Variants in TENM3 observed in about 807,000 individuals in gnomAD.
TENM3 encodes teneurin transmembrane protein 3, also known as teneurin-3.
In TENM3, 63 loss-of-function variants were observed where a neutral mutation model predicts 255.1. The ratio of observed to expected loss-of-function variants is 0.25; its 90% CI spans 0.20 to 0.30. The LOEUF is 0.30. Among genes scored for constraint, TENM3 ranks in the 10% least tolerant of loss-of-function variants. TENM3 has a pLI of 1.00. For missense variants in TENM3, 2,929 were observed against 3,461.1 expected (o/e 0.85, Z 3.86); for synonymous variants, 1,306 against 1,322.3 (o/e 0.99, Z 0.27).
At chr4:182,276,811 C>A (rs1434540527) in intron 1 of TENM3, among the ~76,000 whole-genome samples, 3 of 152,198 alleles carry the variant, frequency 2.0e-5, no homozygotes, top group Non-Finnish European at 4.4e-5. Context: ...ATATATAGAG[C>A]TTTCCACTTG....
At chr4:182,182,812 A>T (rs937294953) in intron 1 of TENM3, among the ~76,000 whole-genome samples, 24 of 152,242 alleles carry the variant, frequency 1.6e-4, no homozygotes, top group Non-Finnish European at 2.9e-5. Context: ...CCTACAAGGC[A>T]CATTGTTAGT....
At chr4:182,129,899 C>T in the TENM3 span, among the ~76,000 whole-genome samples, 2 of 152,076 alleles carry the variant, frequency 1.3e-5, no homozygotes, top group Admixed American at 6.6e-5. Flanking sequence ...GACACACATA[C>T]ATACACAAAT....
At chr4:181,779,762 T>C in the TENM3 span, among the ~76,000 whole-genome samples, 2 of 152,126 alleles carry the variant, frequency 1.3e-5, no homozygotes, top group African/African-American at 4.8e-5. Context: ...ACATTAGGTA[T>C]ATCTCCTAAT....
At chr4:182,184,496 T>G (rs1375243463) in intron 1 of TENM3, among the ~76,000 whole-genome samples, 2 of 1,112 alleles carry the variant, frequency 1.8e-3, no homozygotes, top group Non-Finnish European at 5.5e-3. Flanking sequence ...TGGTTGAGTT[T>G]TTTTTTTTTT....
chr4:182,711,836 A>T lies in TENM3; in HGVS notation c.2222-2251A>T, dbSNP rs1018462737. Among the ~76,000 whole-genome samples the T allele has an allele frequency of 5.3e-5, 8 of 152,086 alleles. 1 individual carries two copies. Among genetic ancestry groups the T allele is most frequent in the Admixed American group, 5.2e-4 (8 of 15,276 alleles). ...TTGTAAAAGCGTTAGTTTTCTCTAG[A>T]ACCAGAAACTGAAGATAATGGTACA... On this transcript the variant is annotated intron_variant, in intron 12 of 27. Coordinates refer to ENST00000511685, the MANE Select transcript of TENM3 (RefSeq NM_001080477.4).
At chr4:182,338,003 G>A (rs992245508) in intron 2 of TENM3, among the ~76,000 whole-genome samples, 1 of 152,008 alleles carries the variant, frequency 6.6e-6, no homozygotes, top group Admixed American at 6.6e-5. Flanking sequence ...GAGCTTTGTG[G>A]GAGTGATCTT....
the TENM3 span, among the ~76,000 whole-genome samples, chr4:181,538,862 C>T: frequency 6.6e-6 from 1 of 152,116 alleles, no homozygotes; most frequent in South Asian, 2.1e-4. Flanking sequence ...CTAAATAAAT[C>T]CTGAATGAAC....
chr4:182,306,067 C>T (rs889449629), intron 1 of TENM3, among the ~76,000 whole-genome samples: 3 of 152,112 alleles, frequency 2.0e-5, no homozygotes, highest in Non-Finnish European at 4.4e-5. Context: ...GATCTTTTCC[C>T]CTTCAGCACC....
chr4:181,526,918 T>C, the TENM3 span, among the ~76,000 whole-genome samples: 9 of 152,214 alleles, frequency 5.9e-5, no homozygotes, highest in Non-Finnish European at 1.0e-4. Context: ...AACATTTTAG[T>C]GTCCTTATAG....
chr4:181,525,778 T>A, the TENM3 span, among the ~76,000 whole-genome samples: 131 of 152,280 alleles, frequency 8.6e-4, 1 homozygote, highest in African/African-American at 3.1e-3. Flanking sequence ...GGGTGGCAGG[T>A]TTTCTTACCA....
chr4:181,690,811 T>G, the TENM3 span, among the ~76,000 whole-genome samples: 1 of 152,196 alleles, frequency 6.6e-6, no homozygotes, highest in Admixed American at 6.5e-5. Context: ...AATGATAAAA[T>G]TATTCAGCAG....
In TENM3 at chr4:182,324,063, A is replaced by G. The variant is rs1763232231; in HGVS notation, c.43A>G (p.Ser15Gly). 1 of 1,613,872 alleles carries G rather than the reference A, an allele frequency of 6.2e-7. No individual in the cohort carries two copies. The highest frequency in any genetic ancestry group is 8.5e-7 in the Non-Finnish European group (1 of 1,179,898). ...ERRPYCSLTK[S>G]RREKERRYTN... The stretch of plus-strand genomic sequence containing the variant: ...CAGGCCTTACTGCTCCCTGACCAAG[A>G]GCAGACGAGAGAAGGAACGGCGCTA... The change falls in exon 2 of 28, where the codon AGC becomes GGC. Residue 15 changes from serine to glycine, a missense_variant. Physicochemically the swap from Ser to Gly is moderately conservative, Grantham distance 56. Transcript: ENST00000511685.
At chr4:182,601,421 TG>T (rs1747842747) in intron 4 of TENM3, among the ~76,000 whole-genome samples, 3 of 148,716 alleles carry the variant, frequency 2.0e-5, no homozygotes, top group Admixed American at 1.4e-4. Context: ...TACCACTGTT[TG>T]TTTTTTTCTT....
chr4:181,625,792 C>T, the TENM3 span, among the ~76,000 whole-genome samples: 4 of 149,918 alleles, frequency 2.7e-5, no homozygotes, highest in East Asian at 3.9e-4. Flanking sequence ...CCAGCCTGGG[C>T]GACAGAGCAA....
chr4:182,450,977 TTAA>T (rs1406634365), intron 3 of TENM3, among the ~76,000 whole-genome samples: 1 of 152,222 alleles, frequency 6.6e-6, no homozygotes, highest in Non-Finnish European at 1.5e-5. Context: ...GTATTGATCA[TTAA>T]TAAGATGTGA....
chr4:181,650,741 G>A, the TENM3 span, among the ~76,000 whole-genome samples: 3 of 152,174 alleles, frequency 2.0e-5, no homozygotes, highest in African/African-American at 7.2e-5. Flanking sequence ...GTAGAATGAG[G>A]TGTAAGAGAC....
At chr4:182,406,942 C>G (rs1769622190) in intron 3 of TENM3, among the ~76,000 whole-genome samples, 1 of 152,130 alleles carries the variant, frequency 6.6e-6, no homozygotes, top group Non-Finnish European at 1.5e-5. Flanking sequence ...GGCAACGAAA[C>G]GAACTTCAAT....
the TENM3 span, among the ~76,000 whole-genome samples, chr4:181,924,741 C>T: frequency 6.6e-6 from 1 of 152,132 alleles, no homozygotes; most frequent in Non-Finnish European, 1.5e-5. Context: ...TTTGTATTGG[C>T]TCTCTTTCTC....
the TENM3 span, among the ~76,000 whole-genome samples, chr4:181,837,701 G>A: frequency 1.3e-5 from 2 of 152,190 alleles, no homozygotes; most frequent in Admixed American, 6.5e-5. Flanking sequence ...ATGATCAAAA[G>A]AAAGATCTTT....
Sources: allele counts gnomAD v4.1 joint callset (sites outside exome capture counted in the v4.1 genomes callset), GRCh38; gene constraint gnomAD v4.1.1; transcripts MANE v1.5; gene names NCBI Gene and HGNC (gene_info 2026-07-23, HGNC 2026-07-21).